COL4A2: variants seen among roughly 807,000 people sequenced by gnomAD.
COL4A2 encodes the protein collagen alpha-2(IV) chain.
A neutral mutation model predicts 200.2 loss-of-function variants in COL4A2; 99 were observed. That is an observed-to-expected ratio of 0.49 (90% CI 0.42 to 0.58). The LOEUF (loss-of-function observed/expected upper bound fraction) is 0.58. Among genes scored for constraint, COL4A2 ranks in the 20% least tolerant of loss-of-function variants. The pLI is 0.00. For synonymous variants in COL4A2, 897 were observed against 900.6 expected, an observed-to-expected ratio of 1.00 and a Z score of 0.07; for missense variants, 1,950 against 2,314.1, an observed-to-expected ratio of 0.84 and a Z score of 3.23.
chr13:110,357,829 A>G (rs1028844477), intron 4 of COL4A2, among the ~76,000 whole-genome samples: 4 of 152,204 alleles, frequency 2.6e-5, no homozygotes, highest in African/African-American at 9.6e-5. Context: ...AAAAGAAAGT[A>G]AAAAGATGTA....
At chr13:110,502,036 A>G (rs1883660847) in intron 41 of COL4A2, among the ~76,000 whole-genome samples, 1 of 152,184 alleles carries the variant, frequency 6.6e-6, no homozygotes, top group Non-Finnish European at 1.5e-5. Context: ...GGGGGCTCAG[A>G]AATGTGCAGT....
At chr13:110,356,201 C>T (rs1011592354) in intron 3 of COL4A2, among the ~76,000 whole-genome samples, 1 of 152,222 alleles carries the variant, frequency 6.6e-6, no homozygotes, top group Admixed American at 6.5e-5. Flanking sequence ...CCATTTCCCA[C>T]TGACTCACTT....
At chr13:110,441,022 C>T (rs1195004507) in intron 16 of COL4A2, among the ~76,000 whole-genome samples, 1 of 152,254 alleles carries the variant, frequency 6.6e-6, no homozygotes, top group Admixed American at 6.5e-5. Context: ...TCCTTACGCC[C>T]TCGAGGTGGT....
chr13:110,356,536 G>A (rs549295489), intron 3 of COL4A2, among the ~76,000 whole-genome samples: 116 of 152,196 alleles, frequency 7.6e-4, no homozygotes, highest in African/African-American at 2.5e-3. Flanking sequence ...CCTCCCCTCC[G>A]TGGTGGCCCA....
At chr13:110,385,596 A>G (rs199673450) in intron 4 of COL4A2, among the ~76,000 whole-genome samples, 438 of 39,536 alleles carry the variant, frequency 0.011, 63 homozygotes, top group East Asian at 0.017. Flanking sequence ...GGCCGTGGTT[A>G]CAGTGTGTGG....
At chr13:110,488,618 T>C (rs1257923418) in intron 34 of COL4A2, among the ~76,000 whole-genome samples, 1 of 152,248 alleles carries the variant, frequency 6.6e-6, no homozygotes, top group African/African-American at 2.4e-5. Flanking sequence ...CTCTGCAGTC[T>C]GGCTGCCCAA....
intron 24 of COL4A2, among the ~76,000 whole-genome samples, chr13:110,463,706 T>A (rs1415719384): frequency 6.6e-6 from 1 of 152,162 alleles, no homozygotes; most frequent in Non-Finnish European, 1.5e-5. Flanking sequence ...CTAATATTTT[T>A]AAAATTTTCT....
chr13:110,485,909 G>A, intron 34 of COL4A2, 73 bp downstream of exon 34: 1 of 1,581,532 alleles, frequency 6.3e-7, no homozygotes, highest in Non-Finnish European at 8.6e-7. Context: ...ACATGCTTTG[G>A]TCTGGAATTT....
intron 40 of COL4A2, among the ~76,000 whole-genome samples, chr13:110,496,590 A>AAG (rs1566567454): frequency 0.025 from 3,623 of 145,176 alleles, 5 homozygotes; most frequent in South Asian, 0.057. Context: ...AGCCTCAGTC[A>AAG]GAGTTGAGGA....
At chr13:110,458,993 C>A in intron 22 of COL4A2, 59 bp downstream of exon 22, 2 of 1,436,428 alleles carry the variant, frequency 1.4e-6, no homozygotes, top group Non-Finnish European at 1.8e-6. Flanking sequence ...CCAGGTGTCC[C>A]GTTCTTGCCT....
At chr13:110,443,362 A>C (rs893463180) in intron 16 of COL4A2, among the ~76,000 whole-genome samples, 35 of 152,238 alleles carry the variant, frequency 2.3e-4, no homozygotes, top group African/African-American at 8.0e-4. Context: ...TTTAAGCTTT[A>C]GAAACATGCA....
At chr13:110,500,527 T>C (rs1050266870) in intron 40 of COL4A2, among the ~76,000 whole-genome samples, 4 of 152,198 alleles carry the variant, frequency 2.6e-5, no homozygotes, top group Admixed American at 6.5e-5. Context: ...CAGATTTCCT[T>C]ATGTGGCCAT....
At position 110,507,960 on chromosome 13, in the gene COL4A2, G is replaced by A. The variant is rs1594117961; in HGVS notation, c.4620G>A (p.Arg1540=). ...GGCTGGCGGGCTCCTGCCTGGCGCG[G>A]TTCAGCACCATGCCCTTCCTGTACT... ...DLGLAGSCLA[R]FSTMPFLYCN... is the part of the protein sequence containing the mutation. Residue 1540 remains arginine (R), a synonymous_variant, in exon 47 of 48, where the codon CGG becomes CGA. Coordinates refer to ENST00000360467, the MANE Select transcript of COL4A2 (RefSeq NM_001846.4). 3 of 1,614,078 alleles carry A rather than the reference G, an allele frequency of 1.9e-6. No individual in the cohort carries two copies. The East Asian group carries it at 6.7e-5, about 36-fold the overall frequency.
chr13:110,378,951 C>A (rs1878353445), intron 4 of COL4A2, among the ~76,000 whole-genome samples: 1 of 152,200 alleles, frequency 6.6e-6, no homozygotes, highest in Non-Finnish European at 1.5e-5. Context: ...CCACCTCACG[C>A]ACTCTCCGGC....
intron 4 of COL4A2, among the ~76,000 whole-genome samples, chr13:110,409,733 A>G (rs1172806085): frequency 1.3e-5 from 2 of 152,176 alleles, no homozygotes; most frequent in Admixed American, 6.5e-5. Context: ...TGAGCCATGC[A>G]TTATCTTTCC....
chr13:110,394,747 G>T (rs1879127225), intron 4 of COL4A2, among the ~76,000 whole-genome samples: 1 of 152,126 alleles, frequency 6.6e-6, no homozygotes, highest in South Asian at 2.1e-4. Context: ...ACTTGCCTTT[G>T]CCTTTGCTAG....
chr13:110,451,996 A>T (rs1164354577), intron 20 of COL4A2, among the ~76,000 whole-genome samples: 1 of 152,230 alleles, frequency 6.6e-6, no homozygotes, highest in African/African-American at 2.4e-5. Flanking sequence ...TTTCCAAAGT[A>T]GTTTACTTTA....
intron 25 of COL4A2, 122 bp downstream of exon 25, chr13:110,465,728 C>A: frequency 2.0e-6 from 2 of 982,664 alleles, no homozygotes; most frequent in Non-Finnish European, 3.0e-6. Flanking sequence ...TCTGTTCTCG[C>A]ACGTACAAGG....
intron 27 of COL4A2, chr13:110,468,459 A>G: frequency 5.2e-6 from 2 of 382,852 alleles, no homozygotes; most frequent in South Asian, 1.9e-5. Flanking sequence ...CCGTGTGCCA[A>G]GGCCGGTCTC....
Sources: gnomAD v4.1 joint callset for allele counts (sites outside exome capture counted in the v4.1 genomes callset) on GRCh38, gnomAD v4.1.1 for gene constraint, MANE v1.5 for transcripts, NCBI Gene and HGNC (gene_info 2026-07-23, HGNC 2026-07-21) for gene names.